NARS2: variants seen among roughly 807,000 people sequenced by gnomAD.
The protein encoded by NARS2 is asparaginyl-tRNA synthetase.
NARS2 carries 60 observed loss-of-function variants against 62.9 expected under a neutral mutation model. The ratio of observed to expected loss-of-function variants is 0.95; its 90% confidence interval spans 0.77 to 1.18. NARS2 has a LOEUF of 1.18. Ranked by LOEUF, NARS2 falls within the 50% of genes most tolerant of loss-of-function variation. NARS2 has a pLI of 0.00. For synonymous variants in NARS2, 196 were observed against 200.0 expected (o/e 0.98, Z 0.17); for missense variants, 619 against 576.4 (o/e 1.07, Z -0.76).
At chr11:78,455,822 G>A (rs964284025) in intron 11 of NARS2, among the ~76,000 whole-genome samples, 7 of 151,770 alleles carry the variant, frequency 4.6e-5, no homozygotes, top group African/African-American at 1.7e-4. Context: ...CTATACTGCT[G>A]CACTGAGAGG....
At chr11:78,473,481 C>A (rs1435388245) in intron 9 of NARS2, among the ~76,000 whole-genome samples, 1 of 152,148 alleles carries the variant, frequency 6.6e-6, no homozygotes. Flanking sequence ...TTGAGAATAT[C>A]ATGCCACTTG....
intron 6 of NARS2, among the ~76,000 whole-genome samples, chr11:78,496,142 A>C (rs1860047553): frequency 6.6e-6 from 1 of 152,202 alleles, no homozygotes; most frequent in African/African-American, 2.4e-5. Flanking sequence ...CAGAGTGATA[A>C]AATGAACTGG....
chr11:78,546,082 GA>G (rs1304368991), intron 5 of NARS2, among the ~76,000 whole-genome samples: 1 of 152,140 alleles, frequency 6.6e-6, no homozygotes, highest in Non-Finnish European at 1.5e-5. Flanking sequence ...TTCTTGTATG[GA>G]GTCTCTCACA....
chr11:78,475,709 A>C (rs557075003), intron 9 of NARS2, among the ~76,000 whole-genome samples: 1 of 144,906 alleles, frequency 6.9e-6, no homozygotes, highest in East Asian at 2.1e-4. Flanking sequence ...CAATCCTCCC[A>C]CCTTAGTCTC....
chr11:78,551,824 C>G (rs757959519), intron 5 of NARS2, among the ~76,000 whole-genome samples: 14 of 151,882 alleles, frequency 9.2e-5, no homozygotes, highest in Non-Finnish European at 1.9e-4. Context: ...GTACTCCAGC[C>G]TGGGGAACAA....
intron 10 of NARS2, 152 bp from the exon 11 acceptor site, chr11:78,466,165 C>T: frequency 1.4e-6 from 1 of 739,224 alleles, no homozygotes; most frequent in Non-Finnish European, 2.1e-6. Flanking sequence ...GCTGACTAAA[C>T]AAGAGAGAGA....
rs1246158181 is a variant in NARS2 at position 78,570,059 on chromosome 11, G to A, written c.251+1276C>T. 3.9e-5 allele frequency among the ~76,000 whole-genome samples: 6 copies of A among 151,946 alleles called. No homozygotes were observed. The South Asian group carries it at 6.2e-4, about 16-fold the overall frequency. ...CAAAAAATTAGTCCAGTGTGGTGTC[G>A]CACACCTGTAATCCCAACTACTTGG... On this transcript the variant is annotated intron_variant, in intron 2 of 13. Transcript: ENST00000281038.
intron 6 of NARS2, among the ~76,000 whole-genome samples, chr11:78,502,664 T>A (rs1434678486): frequency 6.6e-6 from 1 of 152,140 alleles, no homozygotes; most frequent in African/African-American, 2.4e-5. Flanking sequence ...GTAAATTTTA[T>A]CTTATGTGTA....
intron 12 of NARS2, among the ~76,000 whole-genome samples, chr11:78,441,616 TAGA>T (rs965217668): frequency 6.6e-6 from 1 of 151,038 alleles, no homozygotes; most frequent in African/African-American, 2.4e-5. Flanking sequence ...GAAGCTGAGG[TAGA>T]AGGATTGCTT....
chr11:78,507,441 A>ATT (rs1860544156), intron 6 of NARS2, among the ~76,000 whole-genome samples: 1 of 152,070 alleles, frequency 6.6e-6, no homozygotes, highest in South Asian at 2.1e-4. Flanking sequence ...AAAAACAGCA[A>ATT]GCCCTGGGGA....
chr11:78,437,688 G>A (rs929736498), intron 13 of NARS2, among the ~76,000 whole-genome samples: 2 of 152,008 alleles, frequency 1.3e-5, no homozygotes, highest in African/African-American at 4.8e-5. Context: ...ATTAAAACAA[G>A]TTTATCGGCC....
intron 13 of NARS2, 65 bp from the exon 14 acceptor site, chr11:78,436,879 T>C: frequency 6.7e-7 from 1 of 1,500,022 alleles, no homozygotes; most frequent in Non-Finnish European, 9.1e-7. Flanking sequence ...ATGATTAGAA[T>C]TTAATGTTTC....
chr11:78,532,244 T>C (rs1861507620), intron 5 of NARS2, among the ~76,000 whole-genome samples: 1 of 152,084 alleles, frequency 6.6e-6, no homozygotes, highest in African/African-American at 2.4e-5. Context: ...AGCTCCAAAT[T>C]GCCAACGATA....
chr11:78,462,396 C>T (rs999488817), intron 11 of NARS2, among the ~76,000 whole-genome samples: 8 of 152,078 alleles, frequency 5.3e-5, no homozygotes, highest in Non-Finnish European at 1.2e-4. Flanking sequence ...AATCATACAT[C>T]AATTATGTTG....
intron 5 of NARS2, among the ~76,000 whole-genome samples, chr11:78,553,733 C>T (rs945648604): frequency 1.3e-5 from 2 of 152,148 alleles, no homozygotes; most frequent in South Asian, 2.1e-4. Flanking sequence ...GTTTCTTTTG[C>T]TATGCAGAAG....
intron 6 of NARS2, among the ~76,000 whole-genome samples, chr11:78,507,926 C>T (rs1257781018): frequency 6.6e-6 from 1 of 152,010 alleles, no homozygotes; most frequent in Non-Finnish European, 1.5e-5. Context: ...AGATCTCAAG[C>T]CAGATCTACT....
intron 6 of NARS2, among the ~76,000 whole-genome samples, chr11:78,513,634 CGGGCGTAGTGGT>C (rs1860799043): frequency 6.6e-6 from 1 of 151,954 alleles, no homozygotes; most frequent in Non-Finnish European, 1.5e-5. Flanking sequence ...AAAAATTAGC[CGGGCGTAGTGGT>C]GGGCGCCTGT....
In NARS2 at chr11:78,502,254, T is replaced by C. The variant is rs151338235; in HGVS notation, c.690-9059A>G. ...TGCCTTAAACAACAGAAATTAATTT[T>C]CCTGCAGTTCTAGAGGCCGGAAATC... On this transcript the variant is annotated intron_variant, in intron 6 of 13. Transcript: ENST00000281038. Among the ~76,000 whole-genome samples, 1,269 of 152,306 alleles carry C rather than the reference T, an allele frequency of 8.3e-3. 45 individuals are homozygous for C. The highest frequency in any genetic ancestry group is 0.065 in the Admixed American group (995 of 15,298).
intron 11 of NARS2, among the ~76,000 whole-genome samples, chr11:78,457,006 G>C (rs1172659876): frequency 6.6e-6 from 1 of 152,180 alleles, no homozygotes; most frequent in South Asian, 2.1e-4. Flanking sequence ...TAATACTTTA[G>C]AGGTCACTTA....
Sources: allele counts gnomAD v4.1 joint callset (sites outside exome capture counted in the v4.1 genomes callset), GRCh38; gene constraint gnomAD v4.1.1; transcripts MANE v1.5; gene names NCBI Gene and HGNC (gene_info 2026-07-23, HGNC 2026-07-21).